DLG2: variants seen among roughly 807,000 people sequenced by gnomAD.
The protein encoded by DLG2 is discs large MAGUK scaffold protein 2, also known as disks large homolog 2.
DLG2 carries 45 observed loss-of-function variants against 132.5 expected under a neutral mutation model. The observed-to-expected ratio is 0.34, with a 90% CI of 0.27 to 0.44. The LOEUF is 0.44. Ranked by LOEUF, DLG2 falls within the 20% of genes least tolerant of loss-of-function variation. DLG2 has a pLI of 1.00. For synonymous variants in DLG2, 424 were observed against 419.6 expected (o/e 1.01, Z -0.13); for missense variants, 1,045 against 1,196.9 (o/e 0.87, Z 1.87).
intron 7 of DLG2, among the ~76,000 whole-genome samples, chr11:84,385,463 A>G (rs2098766042): frequency 6.6e-6 from 1 of 152,124 alleles, no homozygotes; most frequent in African/African-American, 2.4e-5. Context: ...GATCTCTTTG[A>G]TAGTATTTGA....
chr11:84,004,064 G>A (rs1252809676), intron 11 of DLG2, among the ~76,000 whole-genome samples: 2 of 151,938 alleles, frequency 1.3e-5, no homozygotes, highest in Admixed American at 6.6e-5. Context: ...AAATTGAAGA[G>A]AAAGAAATTC....
At position 84,273,293 on chromosome 11, in the gene DLG2, C is replaced by T. The variant is rs567874711; in HGVS notation, c.520-22002G>A. The T allele has an allele frequency of 8.0e-6, 10 of 1,256,138 alleles. 1 individual carries two copies. The South Asian group carries it at 1.5e-4, about 19-fold the overall frequency. 77.8% of individuals were successfully genotyped at this position (1,256,138 alleles called of 1,614,324 possible). A position where few individuals can be genotyped will look rare whatever the true frequency, so the allele number is the denominator to read the frequency against. On this transcript the variant is annotated intron_variant, in intron 7 of 27. Transcript: ENST00000376104. ...TAACACTCAAACTGAGCTCACAGAACCCAGTTGAAGAGGAAAAAAAAAAAA... is the reference window on the plus strand; with the variant it reads ...TAACACTCAAACTGAGCTCACAGAATCCAGTTGAAGAGGAAAAAAAAAAAA...
chr11:84,976,190 G>C (rs1294146887), intron 6 of DLG2, among the ~76,000 whole-genome samples: 3 of 152,058 alleles, frequency 2.0e-5, no homozygotes, highest in African/African-American at 7.2e-5. Context: ...GAATTTTTTT[G>C]TGTGTATCTT....
At chr11:83,736,485 C>A (rs998939403) in intron 18 of DLG2, among the ~76,000 whole-genome samples, 4 of 151,880 alleles carry the variant, frequency 2.6e-5, no homozygotes, top group African/African-American at 7.2e-5. Flanking sequence ...AATGTCTTTT[C>A]TTGGCAAGAT....
At chr11:85,347,349 T>C (rs1406759693) in intron 3 of DLG2, among the ~76,000 whole-genome samples, 1 of 152,034 alleles carries the variant, frequency 6.6e-6, no homozygotes, top group Non-Finnish European at 1.5e-5. Flanking sequence ...ACAAGCGCCT[T>C]CTATCCACTC....
At chr11:84,092,818 A>G (rs944713109) in intron 10 of DLG2, among the ~76,000 whole-genome samples, 1 of 152,100 alleles carries the variant, frequency 6.6e-6, no homozygotes, top group Admixed American at 6.5e-5. Flanking sequence ...TGGGCGGATC[A>G]CAAGGTCAGG....
intron 18 of DLG2, chr11:83,725,151 T>C (rs936845053): frequency 4.2e-6 from 2 of 475,500 alleles, no homozygotes; most frequent in Middle Eastern, 1.1e-3. Context: ...ACTTTCCAGA[T>C]GTTGGCTATC....
intron 2 of DLG2, among the ~76,000 whole-genome samples, chr11:85,623,577 A>G (rs895750645): frequency 6.6e-6 from 1 of 152,206 alleles, no homozygotes; most frequent in Non-Finnish European, 1.5e-5. Flanking sequence ...TGCTGGGATT[A>G]CAGGCGTGAG....
At chr11:83,543,531 G>A (rs1372355765) in intron 19 of DLG2, among the ~76,000 whole-genome samples, 2 of 152,124 alleles carry the variant, frequency 1.3e-5, no homozygotes, top group Non-Finnish European at 2.9e-5. Flanking sequence ...TAGTCTTACA[G>A]CTAGTCAGCT....
At chr11:83,960,019 G>C (rs2088097493) in intron 14 of DLG2, among the ~76,000 whole-genome samples, 1 of 148,336 alleles carries the variant, frequency 6.7e-6, no homozygotes, top group African/African-American at 2.6e-5. Context: ...ATGATCCAAA[G>C]GTAGGTACCA....
intron 11 of DLG2, among the ~76,000 whole-genome samples, chr11:84,032,994 T>C (rs2625513): frequency 0.99 from 151,119 of 152,308 alleles, 75,022 homozygotes; most frequent in Middle Eastern, 1. Context: ...AAAAAAGATT[T>C]CTTTCAAAAT....
At chr11:83,708,975 T>G (rs1372187490) in intron 18 of DLG2, among the ~76,000 whole-genome samples, 1 of 152,158 alleles carries the variant, frequency 6.6e-6, no homozygotes, top group East Asian at 1.9e-4. Flanking sequence ...AGTATGAGGC[T>G]GCTGGTGCCC....
intron 18 of DLG2, among the ~76,000 whole-genome samples, chr11:83,666,757 C>A (rs2075668910): frequency 1.3e-5 from 2 of 152,190 alleles, no homozygotes; most frequent in Admixed American, 6.5e-5. Flanking sequence ...TTGAAAAGAA[C>A]TGATACCCAA....
chr11:85,518,472 T>C (rs1362553131), intron 3 of DLG2, among the ~76,000 whole-genome samples: 1 of 152,082 alleles, frequency 6.6e-6, no homozygotes, highest in African/African-American at 2.4e-5. Flanking sequence ...GATGAATGAT[T>C]TAGGATATCT....
At chr11:85,488,343 C>G (rs550983509) in intron 3 of DLG2, among the ~76,000 whole-genome samples, 1 of 151,568 alleles carries the variant, frequency 6.6e-6, no homozygotes, top group Non-Finnish European at 1.5e-5. Flanking sequence ...GAGCCGAGAT[C>G]GCACCACTGC....
intron 7 of DLG2, among the ~76,000 whole-genome samples, chr11:84,305,543 C>T (rs1051172806): frequency 6.6e-5 from 10 of 152,100 alleles, no homozygotes; most frequent in African/African-American, 2.4e-4. Context: ...CTGGGTCTTA[C>T]TGATATGTTT....
intron 18 of DLG2, among the ~76,000 whole-genome samples, chr11:83,637,409 A>C (rs1161291150): frequency 6.6e-6 from 1 of 152,216 alleles, no homozygotes; most frequent in African/African-American, 2.4e-5. Context: ...GCAATGAGCT[A>C]GGATCTGTAC....
chr11:84,242,662 T>A (rs1336028569), intron 8 of DLG2, among the ~76,000 whole-genome samples: 1 of 152,154 alleles, frequency 6.6e-6, no homozygotes, highest in Non-Finnish European at 1.5e-5. Context: ...CACCTCGGCC[T>A]CCCATAATGC....
intron 6 of DLG2, among the ~76,000 whole-genome samples, chr11:84,565,710 T>C (rs751620800): frequency 7.2e-5 from 11 of 152,148 alleles, no homozygotes; most frequent in African/African-American, 2.7e-4. Flanking sequence ...TTGGTGCTTA[T>C]GAGAATAGGA....
Sources: gnomAD v4.1 joint callset for allele counts (sites outside exome capture counted in the v4.1 genomes callset) on GRCh38, gnomAD v4.1.1 for gene constraint, MANE v1.5 for transcripts, NCBI Gene and HGNC (gene_info 2026-07-23, HGNC 2026-07-21) for gene names.